The following TRPA1 variants were observed in gnomAD, a reference collection of about 807,000 sequenced individuals.
TRPA1 encodes ankyrin-like with transmembrane domains 1.
TRPA1 carries 129 observed loss-of-function variants against 131.3 expected under a neutral mutation model. That is an observed-to-expected ratio of 0.98 (90% CI 0.85 to 1.14). The LOEUF is 1.14. TRPA1 is among the 50% of genes most tolerant of loss of function. The pLI is 0.00. For synonymous variants in TRPA1, 441 were observed against 451.7 expected (o/e 0.98, Z 0.30); for missense variants, 1,304 against 1,354.2 (o/e 0.96, Z 0.58).
chr8:72,086,188 A>G, the TRPA1 span, among the ~76,000 whole-genome samples: 6 of 152,200 alleles, frequency 3.9e-5, no homozygotes, highest in African/African-American at 1.2e-4. Flanking sequence ...GGCGTGAGCC[A>G]CCATGCCAGG....
intron 24 of TRPA1, among the ~76,000 whole-genome samples, chr8:72,026,530 GA>G: frequency 6.6e-6 from 1 of 152,300 alleles, no homozygotes; most frequent in Admixed American, 6.5e-5. Flanking sequence ...CAGGAGAGAA[GA>G]AGGAGTGCTT....
At chr8:72,065,969 G>A (rs753779560) in intron 3 of TRPA1, among the ~76,000 whole-genome samples, 2 of 152,112 alleles carry the variant, frequency 1.3e-5, no homozygotes, top group Non-Finnish European at 2.9e-5. Context: ...AAGGAAGAGA[G>A]TAAAAGAGAG....
intron 3 of TRPA1, among the ~76,000 whole-genome samples, chr8:72,066,298 T>C (rs1212278794): frequency 2.0e-5 from 3 of 152,248 alleles, no homozygotes; most frequent in Non-Finnish European, 4.4e-5. Flanking sequence ...CTAGTCTTTA[T>C]TTTATATTCA....
chr8:72,055,955 A>C, intron 10 of TRPA1, 100 bp from the exon 11 acceptor site: 3 of 1,196,910 alleles, frequency 2.5e-6, no homozygotes, highest in Non-Finnish European at 2.4e-6. Context: ...ACAAGGGTCA[A>C]TATGTATTCC....
chr8:72,026,859 T>G (rs1035806153), intron 24 of TRPA1, among the ~76,000 whole-genome samples: 1 of 152,302 alleles, frequency 6.6e-6, no homozygotes, highest in East Asian at 1.9e-4. Flanking sequence ...TAGTGATTTA[T>G]AGCCATAAAT....
At chr8:72,063,093 C>A in intron 5 of TRPA1, 149 bp from the exon 6 acceptor site, 1 of 851,522 alleles carries the variant, frequency 1.2e-6, no homozygotes, top group Admixed American at 2.7e-5. Context: ...AAATATTTTT[C>A]AAATTAGGCC....
intron 3 of TRPA1, among the ~76,000 whole-genome samples, chr8:72,068,822 A>C (rs1278377626): frequency 6.6e-6 from 1 of 152,210 alleles, no homozygotes; most frequent in Non-Finnish European, 1.5e-5. Flanking sequence ...ATGCCCGGTA[A>C]ATAAGAACTA....
At chr8:72,061,850 T>A in intron 6 of TRPA1, 89 bp from the exon 7 acceptor site, 1 of 1,391,158 alleles carries the variant, frequency 7.2e-7, no homozygotes, top group Admixed American at 1.8e-5. Flanking sequence ...TCTTCCCAGG[T>A]TCATAAAATC....
Position 72,021,874 on chromosome 8 carries a change from C to T in TRPA1, c.*1032G>A, listed in dbSNP as rs1325766353. 3 of 152,028 alleles carry T rather than the reference C, an allele frequency of 2.0e-5. No individual in the cohort carries two copies. Among genetic ancestry groups the T allele is most frequent in the African/African-American group, 7.2e-5 (3 of 41,398 alleles). 9.4% of individuals were successfully genotyped at this position (152,028 alleles called of 1,614,324 possible). ...TTATAAGAGAAATAAGAAGCAAAAA[C>T]AGAAATAGAAGCTATAGCATAATAA... On this transcript the variant is annotated 3_prime_UTR_variant, in exon 27 of 27. Transcript: ENST00000262209.
chr8:72,048,580 A>G (rs1014995045), intron 15 of TRPA1, among the ~76,000 whole-genome samples: 2 of 152,112 alleles, frequency 1.3e-5, no homozygotes, highest in African/African-American at 2.4e-5. Flanking sequence ...AAACTGGATA[A>G]TAATCAACGT....
chr8:72,026,732 G>A (rs1411513824), intron 24 of TRPA1, among the ~76,000 whole-genome samples: 1 of 151,828 alleles, frequency 6.6e-6, no homozygotes, highest in East Asian at 1.9e-4. Flanking sequence ...ATTTATTTTT[G>A]CCAAATTTAT....
intron 10 of TRPA1, 133 bp from the exon 11 acceptor site, chr8:72,055,988 C>A (rs984559232): frequency 6.9e-6 from 5 of 725,040 alleles, no homozygotes; most frequent in African/African-American, 3.6e-5. Context: ...TTGTAAATAA[C>A]CTAAAGGATT....
chr8:72,024,373 C>A (rs975294385), intron 25 of TRPA1, among the ~76,000 whole-genome samples: 1 of 152,090 alleles, frequency 6.6e-6, no homozygotes, highest in Non-Finnish European at 1.5e-5. Flanking sequence ...ATCTTTTAAA[C>A]CATAGGTTGA....
rs1432660242 is a variant in TRPA1 at position 72,021,363 on chromosome 8, C to G, written c.*1543G>C. On this transcript the variant is annotated 3_prime_UTR_variant, in exon 27 of 27. Transcript: ENST00000262209. ...GAGATCTATATTGTGCAATGCTACA[C>G]AAGGTTTGAGGAGAGGGAAGACTGA... 1 of 152,106 alleles carries G rather than the reference C, an allele frequency of 6.6e-6. No homozygotes were observed. Among genetic ancestry groups the G allele is most frequent in the Non-Finnish European group, 1.5e-5 (1 of 68,018 alleles). 9.4% of individuals were successfully genotyped at this position (152,106 alleles called of 1,614,324 possible).
At chr8:72,069,728 C>T (rs919356191) in intron 2 of TRPA1, among the ~76,000 whole-genome samples, 5 of 148,840 alleles carry the variant, frequency 3.4e-5, no homozygotes, top group Non-Finnish European at 7.4e-5. Context: ...TTCTTGTATT[C>T]AAACTTGGTA....
chr8:72,057,198 T>G (rs764262929), intron 9 of TRPA1, among the ~76,000 whole-genome samples, 181 bp from the exon 10 acceptor site: 2 of 151,918 alleles, frequency 1.3e-5, no homozygotes, highest in Admixed American at 6.6e-5. Flanking sequence ...TTACTCTCTG[T>G]GTGTGTGTGT....
At chr8:72,066,530 T>C (rs1805935908) in intron 3 of TRPA1, among the ~76,000 whole-genome samples, 1 of 152,236 alleles carries the variant, frequency 6.6e-6, no homozygotes. Context: ...ACGTATCCCT[T>C]GTGAGTGTCA....
At chr8:72,052,571 A>C (rs753074746) in intron 14 of TRPA1, 28 bp downstream of exon 14, 7 of 1,612,992 alleles carry the variant, frequency 4.3e-6, no homozygotes, top group Non-Finnish European at 5.9e-6. Context: ...GAGAACACTA[A>C]ATGACAGTGG....
Position 72,052,997 on chromosome 8 carries a change from G to T in TRPA1, c.1645-232C>A, listed in dbSNP as rs60855357. ...TGTGTGTGTGTGTGTGTGTGTGTGA[G>T]AGATAGAGAAAGAGAGAGAGAGAGA... is the stretch of plus-strand genomic sequence containing the variant. On this transcript the variant is annotated intron_variant, in intron 13 of 26. Transcript: ENST00000262209. The T allele has an allele frequency of 0.41, 133,936 of 327,708 alleles. 29,734 individuals carry two copies. Among genetic ancestry groups the T allele is most frequent in the Admixed American group, 0.57 (12,429 of 21,792 alleles). 20.3% of individuals were successfully genotyped at this position (327,708 alleles called of 1,614,324 possible).
Sources: allele counts gnomAD v4.1 joint callset (sites outside exome capture counted in the v4.1 genomes callset), GRCh38; gene constraint gnomAD v4.1.1; transcripts MANE v1.5; gene names NCBI Gene and HGNC (gene_info 2026-07-23, HGNC 2026-07-21).